The following LAPTM4B variants were observed in gnomAD, a reference collection of about 807,000 sequenced individuals.
LAPTM4B encodes lysosomal protein transmembrane 4 beta.
LAPTM4B carries 26 observed loss-of-function variants against 28.5 expected under a neutral mutation model. That is an observed-to-expected ratio of 0.91 (90% CI 0.67 to 1.27). The LOEUF is 1.27. Ranked by LOEUF, LAPTM4B falls within the 50% of genes most tolerant of loss-of-function variation. LAPTM4B has a pLI of 0.00. For missense variants in LAPTM4B, 288 were observed against 285.8 expected (o/e 1.01, Z -0.06); for synonymous variants, 109 against 106.4 (o/e 1.02, Z -0.15).
chr8:97,845,348 T>TG (rs1195975794), intron 6 of LAPTM4B, among the ~76,000 whole-genome samples: 1 of 150,490 alleles, frequency 6.6e-6, no homozygotes, highest in African/African-American at 2.4e-5. Flanking sequence ...CCTAAGTTGT[T>TG]TTTTTTTTTA....
intron 1 of LAPTM4B, among the ~76,000 whole-genome samples, chr8:97,786,999 C>A (rs536649274): frequency 1.3e-5 from 2 of 152,160 alleles, no homozygotes; most frequent in South Asian, 4.1e-4. Flanking sequence ...GAGACCCAGG[C>A]TGGGGGGTGG....
At chr8:97,781,558 G>A (rs1330655980) in intron 1 of LAPTM4B, among the ~76,000 whole-genome samples, 3 of 151,978 alleles carry the variant, frequency 2.0e-5, no homozygotes, top group South Asian at 2.1e-4. Context: ...GATTACAGGC[G>A]TGAGCCACCG....
chr8:97,793,385 A>G (rs1044455988), intron 1 of LAPTM4B, among the ~76,000 whole-genome samples: 3 of 152,176 alleles, frequency 2.0e-5, no homozygotes, highest in Non-Finnish European at 4.4e-5. Flanking sequence ...CGCCCCCAGC[A>G]CTCATTTAAT....
chr8:97,804,244 C>G (rs1444922241), intron 1 of LAPTM4B, among the ~76,000 whole-genome samples: 1 of 152,154 alleles, frequency 6.6e-6, no homozygotes, highest in Non-Finnish European at 1.5e-5. Flanking sequence ...TAGCTGGTGC[C>G]TCACTTAAAC....
Position 97,775,805 on chromosome 8 carries a change from G to T in LAPTM4B, c.-205G>T, listed in dbSNP as rs2449509. The T allele has an allele frequency of 6.4e-7, 1 of 1,566,216 alleles. No homozygotes were observed. The highest frequency in any genetic ancestry group is 8.6e-7 in the Non-Finnish European group (1 of 1,161,286). ...CCCTCCCCGTCCCCGCCGCTGCAGCGGTCGCCTTCGGAGCGAAGGGTACCG... is the reference window on the plus strand; with the variant it reads ...CCCTCCCCGTCCCCGCCGCTGCAGCTGTCGCCTTCGGAGCGAAGGGTACCG... On this transcript the variant is annotated 5_prime_UTR_variant, in exon 1 of 7. Coordinates refer to ENST00000521545, the MANE Select transcript of LAPTM4B (RefSeq NM_018407.6).
rs1817541920 is a variant in LAPTM4B at position 97,852,500 on chromosome 8, T to C, written c.*1026T>C. 1 of 152,170 alleles carries C rather than the reference T, an allele frequency of 6.6e-6. No individual in the cohort carries two copies. The highest frequency in any genetic ancestry group is 2.1e-4 in the South Asian group (1 of 4,818). The allele number at this position is 152,170 out of a possible 1,614,324, so 9.4% of individuals were successfully genotyped here. A position where few individuals can be genotyped will look rare whatever the true frequency, so the allele number is the denominator to read the frequency against. On this transcript the variant is annotated 3_prime_UTR_variant, in exon 7 of 7. Transcript: ENST00000521545. ...ACCTGAATTGCAAGGGATTTTTATATATTCATATGTTACAAAGTCAGCAAC... is the reference window on the plus strand; with the variant it reads ...ACCTGAATTGCAAGGGATTTTTATACATTCATATGTTACAAAGTCAGCAAC...
intron 1 of LAPTM4B, among the ~76,000 whole-genome samples, chr8:97,794,227 G>A (rs184220158): frequency 8.5e-5 from 13 of 152,194 alleles, no homozygotes; most frequent in African/African-American, 2.9e-4. Flanking sequence ...TGAACCGCCC[G>A]CCTTGGCCTC....
intron 3 of LAPTM4B, 21 bp from the exon 4 acceptor site, chr8:97,816,037 T>C: frequency 1.3e-6 from 2 of 1,517,294 alleles, no homozygotes; most frequent in South Asian, 1.2e-5. Flanking sequence ...ACATTAACTT[T>C]CTATTTTCTG....
At chr8:97,778,596 C>G (rs1353673952) in intron 1 of LAPTM4B, among the ~76,000 whole-genome samples, 3 of 152,146 alleles carry the variant, frequency 2.0e-5, no homozygotes, top group African/African-American at 7.2e-5. Flanking sequence ...CCAGAGCCCC[C>G]GCGTTTGTGT....
At chr8:97,806,897 G>A (rs1226595957) in intron 2 of LAPTM4B, among the ~76,000 whole-genome samples, 2 of 152,164 alleles carry the variant, frequency 1.3e-5, no homozygotes, top group Non-Finnish European at 2.9e-5. Context: ...GGCGGAGGTT[G>A]CAGTGAGCCG....
In LAPTM4B at chr8:97,785,146, T is replaced by C. The variant is rs147824447; in HGVS notation, c.99+9038T>C. ...TGTCACCCATGATGGAGTGCAGTGG[T>C]GCCATCTCGGTTCCCTGCAACCTCC... On this transcript the variant is annotated intron_variant, in intron 1 of 6. Transcript: ENST00000521545. Among the ~76,000 whole-genome samples the C allele has an allele frequency of 7.6e-3, 1,155 of 151,858 alleles. 20 individuals are homozygous for C. The highest frequency in any genetic ancestry group is 0.026 in the African/African-American group (1,069 of 41,382).
intron 5 of LAPTM4B, among the ~76,000 whole-genome samples, chr8:97,820,918 G>A (rs1816992939): frequency 6.6e-6 from 1 of 151,930 alleles, no homozygotes; most frequent in Non-Finnish European, 1.5e-5. Context: ...AGTAGAGACG[G>A]GTTTCACCAT....
At chr8:97,796,446 A>G (rs1171257594) in intron 1 of LAPTM4B, among the ~76,000 whole-genome samples, 1 of 152,028 alleles carries the variant, frequency 6.6e-6, no homozygotes, top group Non-Finnish European at 1.5e-5. Flanking sequence ...CCCTTGTTAT[A>G]TCTATTTCCA....
chr8:97,832,702 T>TTTTATTTTTA lies in LAPTM4B; in HGVS notation c.603+7552_603+7553insATTTTTATTT, dbSNP rs1231746972. On this transcript the variant is annotated intron_variant, in intron 6 of 6. Transcript: ENST00000521545. ...TTTTATTTTATTTTATTTTATTTTA[T>TTTTATTTTTA]TTTTATTTTATTTTATTTTTTTGAG... 4.4e-5 allele frequency among the ~76,000 whole-genome samples: 3 copies of TTTTATTTTTA among 67,962 alleles called. No individual in the cohort carries two copies. In the South Asian group the frequency reaches 1.7e-3, roughly 39 times the overall value. The allele number at this position is 67,962 out of a possible 152,430, so 44.6% of individuals were successfully genotyped here.
intron 1 of LAPTM4B, among the ~76,000 whole-genome samples, chr8:97,802,851 T>A (rs1397727678): frequency 2.0e-5 from 3 of 152,072 alleles, no homozygotes; most frequent in African/African-American, 7.2e-5. Flanking sequence ...ATTATTACAA[T>A]TTTTTTCGAA....
chr8:97,847,188 G>T (rs1344010224), intron 6 of LAPTM4B, among the ~76,000 whole-genome samples: 1 of 152,212 alleles, frequency 6.6e-6, no homozygotes, highest in East Asian at 1.9e-4. Context: ...CCTTTTGTGT[G>T]GAAGAGAGTT....
At chr8:97,793,254 C>T (rs965357646) in intron 1 of LAPTM4B, among the ~76,000 whole-genome samples, 5 of 152,048 alleles carry the variant, frequency 3.3e-5, no homozygotes, top group Admixed American at 1.3e-4. Context: ...AATGTTATAG[C>T]GTTTATTCTA....
chr8:97,815,029 G>T (rs1816885311), intron 2 of LAPTM4B, among the ~76,000 whole-genome samples: 1 of 152,062 alleles, frequency 6.6e-6, no homozygotes, highest in Non-Finnish European at 1.5e-5. Flanking sequence ...AGCTATGAAG[G>T]CTTTCATTAG....
chr8:97,814,735 C>T (rs1186531497), intron 2 of LAPTM4B, among the ~76,000 whole-genome samples: 1 of 145,580 alleles, frequency 6.9e-6, no homozygotes, highest in Non-Finnish European at 1.5e-5. Context: ...GCTCTATCGC[C>T]CAGACCGGAG....
Sources: gnomAD v4.1 joint callset for allele counts (sites outside exome capture counted in the v4.1 genomes callset) on GRCh38, gnomAD v4.1.1 for gene constraint, MANE v1.5 for transcripts, NCBI Gene and HGNC (gene_info 2026-07-23, HGNC 2026-07-21) for gene names.